Variants in KIF20B observed in about 807,000 individuals in gnomAD.
The protein encoded by KIF20B is kinesin family member 20B, also known as kinesin-like protein KIF20B.
KIF20B carries 188 observed loss-of-function variants against 232.5 expected under a neutral mutation model. That is an observed-to-expected ratio of 0.81 (90% CI 0.72 to 0.91). KIF20B has a LOEUF of 0.91. Ranked by LOEUF, KIF20B falls within the 40% of genes least tolerant of loss-of-function variation. The pLI is 0.00. For synonymous variants in KIF20B, 712 were observed against 683.0 expected (o/e 1.04, Z -0.66); for missense variants, 2,154 against 2,055.9 (o/e 1.05, Z -0.92).
At chr10:89,747,239 G>A (rs1317760160) in intron 23 of KIF20B, among the ~76,000 whole-genome samples, 1 of 152,022 alleles carries the variant, frequency 6.6e-6, no homozygotes, top group Non-Finnish European at 1.5e-5. Context: ...GGAAACAACA[G>A]GTGCTGGAGA....
chr10:89,710,177 C>A, intron 5 of KIF20B, 112 bp downstream of exon 5: 31 of 803,184 alleles, frequency 3.9e-5, no homozygotes, highest in Non-Finnish European at 5.5e-5. Context: ...TGCGTTTGCT[C>A]TATTTTTAAT....
At chr10:89,758,181 T>G (rs762509059) in intron 26 of KIF20B, among the ~76,000 whole-genome samples, 20 of 152,142 alleles carry the variant, frequency 1.3e-4, no homozygotes, top group Admixed American at 9.8e-4. Flanking sequence ...TAGATCTATT[T>G]GGAGGAGACA....
At position 89,709,212 on chromosome 10, in the gene KIF20B, A is replaced by G. The variant is rs1842788275; in HGVS notation, c.193A>G (p.Ile65Val). Residue 65 changes from isoleucine to valine, a missense_variant, in exon 3 of 33, where the codon ATA (isoleucine) becomes GTA (valine). By Grantham distance (29) the Ile-to-Val change is conservative. Coordinates refer to ENST00000371728, the MANE Select transcript of KIF20B (RefSeq NM_001284259.2). ...AGATTATCTCCAGGTTTGTCTTCGA[A>G]TAAGACCATTTACACAGTCAGAAAA... is the stretch of plus-strand genomic sequence containing the variant. ...SKDYLQVCLR[I>V]RPFTQSEKEL... is the part of the protein sequence containing the mutation. The G allele has an allele frequency of 8.7e-6, 14 of 1,611,472 alleles. No homozygotes were observed. Among genetic ancestry groups the G allele is most frequent in the Non-Finnish European group, 1.1e-5 (13 of 1,178,334 alleles).
intron 31 of KIF20B, among the ~76,000 whole-genome samples, chr10:89,771,239 G>C (rs925009393): frequency 6.6e-6 from 1 of 151,688 alleles, no homozygotes; most frequent in Non-Finnish European, 1.5e-5. Context: ...CCTATTTTTT[G>C]TCTTAGCACT....
Position 89,714,973 on chromosome 10 carries a change from T to G in KIF20B, c.731T>G (p.Leu244Trp). 2 of 1,565,608 alleles carry G rather than the reference T, an allele frequency of 1.3e-6. No individual in the cohort carries two copies. The highest frequency in any genetic ancestry group is 4.5e-5 in the East Asian group (2 of 44,298). Residue 244 changes from leucine to tryptophan, a missense_variant, in exon 8 of 33, where the codon TTG becomes TGG. Physicochemically the swap from Leu to Trp is moderately conservative, Grantham distance 61 (BLOSUM62 -2). Coordinates refer to ENST00000371728, the MANE Select transcript of KIF20B (RefSeq NM_001284259.2). ...TTTGTAGGAAGTTTAACTAACTCTT[T>G]GAATATCTCAGAGTTTGAAGAATCC... ...DTLYGSLTNS[L>W]NISEFEESIK...
In KIF20B at chr10:89,717,586, T is replaced by A. The variant is rs1427783864; in HGVS notation, c.1135T>A (p.Cys379Ser). ...TTTTTCTTAATTCAGATTATCTTTA[T>A]GTGATCTTGCTGGTTCAGAACGAAC... ...RVIRVSELSL[C>S]DLAGSERTMK... The change falls in exon 11 of 33, where the codon TGT becomes AGT. Residue 379 changes from cysteine (C) to serine (S), a missense_variant. Transcript: ENST00000371728. 6.2e-7 allele frequency: 1 copy of A among 1,608,372 alleles called. No homozygotes were observed. The highest frequency in any genetic ancestry group is 8.5e-7 in the Non-Finnish European group (1 of 1,177,754).
chr10:89,716,269 A>G (rs532392909), intron 8 of KIF20B, among the ~76,000 whole-genome samples, 167 bp from the exon 9 acceptor site: 9 of 152,276 alleles, frequency 5.9e-5, no homozygotes, highest in East Asian at 1.9e-4. Flanking sequence ...CATTGTTACA[A>G]TCTTCTCTGG....
intron 24 of KIF20B, 71 bp from the exon 25 acceptor site, chr10:89,752,496 T>G: frequency 8.8e-7 from 1 of 1,133,472 alleles, no homozygotes; most frequent in Admixed American, 3.0e-5. Context: ...CTGTAGCCCA[T>G]GTCAAGTGTA....
intron 13 of KIF20B, among the ~76,000 whole-genome samples, chr10:89,722,761 CTCAG>C (rs60683216): frequency 0.02 from 2,607 of 129,522 alleles, 76 homozygotes; most frequent in African/African-American, 0.077. Context: ...TATTGTTTTA[CTCAG>C]AAAGTATGTA....
chr10:89,709,781 T>C (rs543721571), intron 4 of KIF20B, 146 bp from the exon 5 acceptor site: 5 of 528,592 alleles, frequency 9.5e-6, no homozygotes, highest in African/African-American at 2.0e-5. Context: ...GTAGTAAAAC[T>C]ATCAAATGTA....
intron 32 of KIF20B, among the ~76,000 whole-genome samples, chr10:89,773,294 A>T (rs1248977741): frequency 6.6e-6 from 1 of 152,058 alleles, no homozygotes; most frequent in African/African-American, 2.4e-5. Flanking sequence ...CTGATTCAGA[A>T]CAGTATGTGC....
intron 13 of KIF20B, among the ~76,000 whole-genome samples, chr10:89,719,931 CAT>C (rs1430573202): frequency 1.3e-5 from 2 of 152,142 alleles, no homozygotes; most frequent in Non-Finnish European, 2.9e-5. Flanking sequence ...TGTGAATACA[CAT>C]CTTTTGGTCT....
chr10:89,722,351 A>G (rs924754494), intron 13 of KIF20B, among the ~76,000 whole-genome samples: 3 of 152,204 alleles, frequency 2.0e-5, no homozygotes, highest in African/African-American at 7.2e-5. Flanking sequence ...GATGCTAACA[A>G]TGATAAAACC....
At chr10:89,745,203 TA>T (rs1325863867) in intron 22 of KIF20B, among the ~76,000 whole-genome samples, 1 of 152,146 alleles carries the variant, frequency 6.6e-6, no homozygotes, top group African/African-American at 2.4e-5. Flanking sequence ...AAATGTTGAG[TA>T]AGTAAAATAA....
rs765680007 is a variant in KIF20B, at chr10:89,738,008, G to C, written c.3167G>C (p.Ser1056Thr). 6 of 1,613,332 alleles carry C rather than the reference G, an allele frequency of 3.7e-6. No homozygotes were observed. In the South Asian group the frequency reaches 5.5e-5, roughly 15 times the overall value. Residue 1056 changes from serine to threonine, a missense_variant, in exon 20 of 33, where the codon AGT becomes ACT. Physicochemically the swap from Ser to Thr is moderately conservative, Grantham distance 58. Coordinates refer to ENST00000371728, the MANE Select transcript of KIF20B (RefSeq NM_001284259.2). ...AATAGGGAAAATTCTTTCCACTCTA[G>C]TATTGAAGCTATTTGGGAAGAATGT... is the stretch of plus-strand genomic sequence containing the variant. The part of the protein sequence containing the change: ...EPNRENSFHS[S>T]IEAIWEECKE...
Position 89,737,545 on chromosome 10 carries a change from A to G in KIF20B, c.2704A>G (p.Lys902Glu), listed in dbSNP as rs748124141. ...TATTGAGAATGAACTTAAAAATGAA[A>G]AGGAAGAAAAAGCAGAATTAAATAA... ...LTIENELKNE[K>E]EEKAELNKQI... The change falls in exon 20 of 33, where the codon AAG becomes GAG. Residue 902 changes from lysine to glutamate, a missense_variant. Lys to Glu is a moderately conservative substitution (Grantham distance 56, BLOSUM62 1). Transcript: ENST00000371728. 1.7e-5 allele frequency: 28 copies of G among 1,607,584 alleles called. No individual in the cohort carries two copies. The highest frequency in any genetic ancestry group is 2.3e-5 in the Non-Finnish European group (27 of 1,177,336).
Position 89,726,373 on chromosome 10 carries a change from A to G in KIF20B, c.2082A>G (p.Glu694=). The change falls in exon 16 of 33, where the codon GAA becomes GAG. Residue 694 remains glutamate (E), a synonymous_variant. Transcript: ENST00000371728. ...TTGCTGATATTAAGAAACAGGCTGA[A>G]ATTGCTCACTTATATATTGCATCTC... is the stretch of plus-strand genomic sequence containing the variant. ...DNVADIKKQA[E]IAHLYIASLP... is the part of the protein sequence containing the mutation. 1 of 1,564,718 alleles carries G rather than the reference A, an allele frequency of 6.4e-7. No homozygotes were observed. Among genetic ancestry groups the G allele is most frequent in the Non-Finnish European group, 8.7e-7 (1 of 1,152,658 alleles).
chr10:89,744,311 G>T (rs987251769), intron 22 of KIF20B, among the ~76,000 whole-genome samples: 1 of 152,014 alleles, frequency 6.6e-6, no homozygotes, highest in African/African-American at 2.4e-5. Flanking sequence ...TATAACCTCA[G>T]ACTCTTCACG....
rs966384449 is a variant in KIF20B at position 89,747,189 on chromosome 10, T to C, written c.4096+1230T>C. Reference sequence around the variant, plus strand: ...TGCAAAGCAAAACCACAATGAGATATCATCTCACACCAGTTAGAATGGCAA... The same window carrying C: ...TGCAAAGCAAAACCACAATGAGATACCATCTCACACCAGTTAGAATGGCAA... On this transcript the variant is annotated intron_variant, in intron 23 of 32. Transcript: ENST00000371728. Among the ~76,000 whole-genome samples the C allele has an allele frequency of 7.2e-5, 11 of 152,188 alleles. No homozygotes were observed. The East Asian group carries it at 1.7e-3, about 24-fold the overall frequency.
Sources: allele counts gnomAD v4.1 joint callset (sites outside exome capture counted in the v4.1 genomes callset), GRCh38; gene constraint gnomAD v4.1.1; transcripts MANE v1.5; gene names NCBI Gene and HGNC (gene_info 2026-07-23, HGNC 2026-07-21).